Variants in GLCCI1 observed in about 807,000 individuals in gnomAD.
The protein encoded by GLCCI1 is glucocorticoid-induced transcript 1 protein.
Under a neutral mutation model 52.2 loss-of-function variants are expected in GLCCI1, and 24 were observed. The observed-to-expected ratio is 0.46, with a 90% confidence interval of 0.33 to 0.65. GLCCI1 has a LOEUF of 0.65. GLCCI1 is among the 30% of genes least tolerant of loss of function. The pLI is 0.02. For missense variants in GLCCI1, 704 were observed against 701.5 expected (o/e 1.00, Z -0.04); for synonymous variants, 310 against 276.5 (o/e 1.12, Z -1.20).
intron 5 of GLCCI1, among the ~76,000 whole-genome samples, chr7:8,065,384 G>C: frequency 6.6e-6 from 1 of 152,130 alleles, no homozygotes; most frequent in East Asian, 1.9e-4. Context: ...CCTATTTGTG[G>C]CTGTCTTTTA....
chr7:7,969,865 TG>T lies in GLCCI1; in HGVS notation c.457+60del. 7.6e-7 allele frequency: 1 copy of T among 1,312,822 alleles called. No homozygotes were observed. The highest frequency in any genetic ancestry group is 3.2e-5 in the Admixed American group (1 of 30,928). 81.3% of individuals were successfully genotyped at this position (1,312,822 alleles called of 1,614,324 possible). A position where few individuals can be genotyped will look rare whatever the true frequency, so the allele number is the denominator to read the frequency against. On this transcript the variant is annotated intron_variant, in intron 1 of 7. Coordinates refer to ENST00000223145, the MANE Select transcript of GLCCI1 (RefSeq NM_138426.4). The surrounding 1 kb of genome is among the most constrained non-coding windows in gnomAD (Gnocchi z 4.9). The stretch of plus-strand genomic sequence containing the variant: ...TGCGTCTCCCCGACGGTGCCCTCCG[TG>T]GAAACTTCAGCCTCTTCGGGCTTCT...
intron 1 of GLCCI1, among the ~76,000 whole-genome samples, chr7:7,990,578 A>G (rs1780820146): frequency 6.6e-6 from 1 of 152,080 alleles, no homozygotes; most frequent in Non-Finnish European, 1.5e-5. Context: ...AGAATTGTTG[A>G]GGTGAAAGGT....
At chr7:8,016,496 A>T (rs779572814) in intron 2 of GLCCI1, among the ~76,000 whole-genome samples, 2 of 152,022 alleles carry the variant, frequency 1.3e-5, no homozygotes, top group Non-Finnish European at 2.9e-5. Context: ...ACCAATTAAG[A>T]TCATAGAGTT....
In GLCCI1 at chr7:8,046,930, AT is replaced by A. The variant is rs544105277; in HGVS notation, c.697-8500del. ...GAAGAGAAATTTCCCAAGGTTGAAA[AT>A]TTGTTAGATTTGGAGATGGATGTGT... On this transcript the variant is annotated intron_variant, in intron 3 of 7. Transcript: ENST00000223145. Among the ~76,000 whole-genome samples the A allele has an allele frequency of 3.9e-5, 6 of 152,280 alleles. No homozygotes were observed. In the East Asian group the frequency reaches 1.2e-3, roughly 29 times the overall value.
rs989452520 is a variant in GLCCI1 at position 7,984,071 on chromosome 7, G to GT, written c.457+14272dup. ...GGACTCAGCTTCTGAATTTTTGTTT[G>GT]TTTTTTTTGAGACAGGGTCTCACTC... On this transcript the variant is annotated intron_variant, in intron 1 of 7. Coordinates refer to ENST00000223145, the MANE Select transcript of GLCCI1 (RefSeq NM_138426.4). 3.8e-4 allele frequency among the ~76,000 whole-genome samples: 58 copies of GT among 151,798 alleles called. No individual in the cohort carries two copies. The East Asian group carries it at 6.2e-3, about 16-fold the overall frequency.
chr7:8,072,959 T>G (rs1377533074), intron 6 of GLCCI1, among the ~76,000 whole-genome samples: 2 of 152,180 alleles, frequency 1.3e-5, no homozygotes, highest in Non-Finnish European at 2.9e-5. Context: ...AATAGTGGTT[T>G]CTGTAGTTCA....
chr7:8,086,163 T>A lies in GLCCI1; in HGVS notation c.1299-30T>A. 1 of 1,539,408 alleles carries A rather than the reference T, an allele frequency of 6.5e-7. No individual in the cohort carries two copies. Among genetic ancestry groups the A allele is most frequent in the Non-Finnish European group, 8.8e-7 (1 of 1,136,388 alleles). On this transcript the variant is annotated intron_variant, in intron 7 of 7. Coordinates refer to ENST00000223145, the MANE Select transcript of GLCCI1 (RefSeq NM_138426.4). This position sits in a 1 kb window ranked among gnomAD's most constrained non-coding sequence, Gnocchi z 4.4. ...GCTTAACTTTTTCTGTGTTCATGAT[T>A]ATAAATCTAATTTTGTTTTATGGTT...
chr7:8,081,869 T>TA (rs1355635183), intron 6 of GLCCI1, among the ~76,000 whole-genome samples: 2 of 152,198 alleles, frequency 1.3e-5, no homozygotes, highest in African/African-American at 2.4e-5. Context: ...TATAAATATA[T>TA]AAAAATGAGA....
intron 1 of GLCCI1, among the ~76,000 whole-genome samples, chr7:7,993,293 A>G (rs1382241512): frequency 6.6e-6 from 1 of 152,144 alleles, no homozygotes; most frequent in Admixed American, 6.5e-5. Flanking sequence ...GACTTCTAAA[A>G]AAATTCTCGA....
chr7:8,019,638 C>A (rs73050929), intron 2 of GLCCI1, among the ~76,000 whole-genome samples: 5,574 of 152,110 alleles, frequency 0.037, 142 homozygotes, highest in Non-Finnish European at 0.057. Flanking sequence ...AGTGTACTTA[C>A]ACAAACCTAG....
chr7:8,057,214 A>T (rs1211401571), intron 4 of GLCCI1, among the ~76,000 whole-genome samples: 1 of 152,226 alleles, frequency 6.6e-6, no homozygotes, highest in Non-Finnish European at 1.5e-5. Flanking sequence ...TCCATGAGAA[A>T]TAAAAGCATA....
At chr7:8,075,442 C>G (rs1782857407) in intron 6 of GLCCI1, among the ~76,000 whole-genome samples, 1 of 152,198 alleles carries the variant, frequency 6.6e-6, no homozygotes, top group Non-Finnish European at 1.5e-5. Flanking sequence ...TTGACATCAT[C>G]AGAATGTACC....
Position 8,075,665 on chromosome 7 carries a change from C to T in GLCCI1, c.1177+4534C>T, listed in dbSNP as rs185288283. Among the ~76,000 whole-genome samples, 36 of 152,276 alleles carry T rather than the reference C, an allele frequency of 2.4e-4. No homozygotes were observed. In the East Asian group the frequency reaches 6.4e-3, roughly 27 times the overall value. On this transcript the variant is annotated intron_variant, in intron 6 of 7. Coordinates refer to ENST00000223145, the MANE Select transcript of GLCCI1 (RefSeq NM_138426.4). ...CTTATCATTGATCTTTGGCACAGTTCACTTATGCAGTTGTTATAAAATTCT... is the reference window on the plus strand; with the variant it reads ...CTTATCATTGATCTTTGGCACAGTTTACTTATGCAGTTGTTATAAAATTCT...
chr7:8,033,777 G>A (rs1353054214), intron 3 of GLCCI1, among the ~76,000 whole-genome samples: 1 of 152,094 alleles, frequency 6.6e-6, no homozygotes, highest in African/African-American at 2.4e-5. Flanking sequence ...GACTTAACTT[G>A]TTCATGGATT....
rs1451451514 is a variant in GLCCI1 at position 8,055,420 on chromosome 7, C to T, written c.697-13C>T. ...TTTATTCTCTTCTTACTTCTCTTTC[C>T]CTGTCCCCAAAGCAGATCGCCAAAC... On this transcript the variant is annotated splice_polypyrimidine_tract_variant and intron_variant, in intron 3 of 7. Coordinates refer to ENST00000223145, the MANE Select transcript of GLCCI1 (RefSeq NM_138426.4). 4 of 1,552,998 alleles carry T rather than the reference C, an allele frequency of 2.6e-6. No homozygotes were observed. Among genetic ancestry groups the T allele is most frequent in the East Asian group, 2.2e-5 (1 of 44,470 alleles).
intron 2 of GLCCI1, among the ~76,000 whole-genome samples, chr7:8,011,717 A>G (rs1781265177): frequency 6.6e-6 from 1 of 152,160 alleles, no homozygotes; most frequent in Non-Finnish European, 1.5e-5. Context: ...TGATGAACTG[A>G]TGTACTGTCT....
chr7:8,046,863 A>G (rs1176482521), intron 3 of GLCCI1, among the ~76,000 whole-genome samples: 1 of 152,212 alleles, frequency 6.6e-6, no homozygotes, highest in African/African-American at 2.4e-5. Context: ...GTTGACAGAG[A>G]TAACTGAGTT....
intron 2 of GLCCI1, among the ~76,000 whole-genome samples, chr7:8,013,915 T>C (rs1163933731): frequency 6.6e-6 from 1 of 152,142 alleles, no homozygotes; most frequent in Non-Finnish European, 1.5e-5. Context: ...TCTTGGTATG[T>C]GTCCTCTTTT....
intron 1 of GLCCI1, among the ~76,000 whole-genome samples, chr7:8,003,407 G>T (rs992067230): frequency 6.6e-6 from 1 of 152,080 alleles, no homozygotes; most frequent in Non-Finnish European, 1.5e-5. Flanking sequence ...GCTTAGCATG[G>T]GATTATGGAG....
Sources: gnomAD v4.1 joint callset for allele counts (sites outside exome capture counted in the v4.1 genomes callset) on GRCh38, gnomAD v4.1.1 for gene constraint, Gnocchi (gnomAD v3.1) non-coding constraint, MANE v1.5 for transcripts, NCBI Gene and HGNC (gene_info 2026-07-23, HGNC 2026-07-21) for gene names.